GCNT1: variants seen among roughly 807,000 people sequenced by gnomAD.
The protein encoded by GCNT1 is beta-1,3-galactosyl-O-glycosyl-glycoprotein beta-1,6-N-acetylglucosaminyltransferase.
In GCNT1, 16 loss-of-function variants were observed where a neutral mutation model predicts 26.2. The ratio of observed to expected loss-of-function variants is 0.61; its 90% confidence interval spans 0.41 to 0.93. GCNT1 has a LOEUF of 0.93. Among genes scored for constraint, GCNT1 ranks in the 40% least tolerant of loss-of-function variants. The pLI, the probability that GCNT1 is intolerant of heterozygous loss-of-function variation, is 0.00. For synonymous variants in GCNT1, 183 were observed against 190.8 expected, an observed-to-expected ratio of 0.96 and a Z score of 0.34; for missense variants, 477 against 526.7, an observed-to-expected ratio of 0.91 and a Z score of 0.92.
At chr9:76,455,835 T>C (rs1165849351), upstream of GCNT1, among the ~76,000 whole-genome samples, 1 of 152,210 alleles carries the variant, frequency 6.6e-6, no homozygotes, top group Non-Finnish European at 1.5e-5. Context: ...ACTCCTTACC[T>C]CAAGTGATCT....
chr9:76,446,970 C>T (rs777284839), intron 1 of GCNT1, among the ~76,000 whole-genome samples: 15 of 151,776 alleles, frequency 9.9e-5, no homozygotes, highest in Non-Finnish European at 2.1e-4. Context: ...ACGTGGCCAA[C>T]ATGGTGATAC....
At chr9:76,399,998 T>C in the GCNT1 span, among the ~76,000 whole-genome samples, 6 of 152,208 alleles carry the variant, frequency 3.9e-5, no homozygotes, top group Non-Finnish European at 8.8e-5. Flanking sequence ...TAACACATGA[T>C]TCCAATTATA....
In GCNT1 at chr9:76,505,917, C is replaced by G. The variant is rs1370513153; in HGVS notation, c.*2249C>G. ...CACATTATAACTGTAAACTTACCATCTTCTATGTAGCTGTGATATCTCATC... is the reference window on the plus strand; with the variant it reads ...CACATTATAACTGTAAACTTACCATGTTCTATGTAGCTGTGATATCTCATC... On this transcript the variant is annotated 3_prime_UTR_variant, in exon 4 of 4. Coordinates refer to ENST00000376730, the MANE Select transcript of GCNT1 (RefSeq NM_001490.5). The G allele has an allele frequency of 6.0e-6, 1 of 166,452 alleles. No homozygotes were observed. The highest frequency in any genetic ancestry group is 2.4e-5 in the African/African-American group (1 of 41,448). The allele number at this position is 166,452 out of a possible 1,614,324, so 10.3% of individuals were successfully genotyped here.
chr9:76,446,810 A>G (rs998193052), intron 1 of GCNT1, among the ~76,000 whole-genome samples: 3 of 152,184 alleles, frequency 2.0e-5, no homozygotes, highest in Admixed American at 6.5e-5. Flanking sequence ...ATATGGGCCA[A>G]GCATAGTGGC....
chr9:76,458,233 A>G (rs1241733336), upstream of GCNT1, among the ~76,000 whole-genome samples: 2 of 116,648 alleles, frequency 1.7e-5, no homozygotes, highest in Non-Finnish European at 3.2e-5. Flanking sequence ...CCCAGGCTGG[A>G]GTGCAGTGAC....
chr9:76,485,736 C>CT (rs34832618), intron 2 of GCNT1, among the ~76,000 whole-genome samples: 607 of 146,804 alleles, frequency 4.1e-3, no homozygotes, highest in African/African-American at 6.1e-3. Context: ...CTGTCTCTTC[C>CT]TTTTTTTTTT....
At chr9:76,429,715 C>CTTTTTT (rs59977325) in intron 1 of GCNT1, among the ~76,000 whole-genome samples, 1 of 107,108 alleles carries the variant, frequency 9.3e-6, no homozygotes, top group Non-Finnish European at 1.9e-5. Flanking sequence ...TGTTTTCTTT[C>CTTTTTT]TTTTTTTTTT....
rs185516792 is a variant in GCNT1 at position 76,493,823 on chromosome 9, C to T, written c.-289-7093C>T. Among the ~76,000 whole-genome samples, 1,217 of 152,228 alleles carry T rather than the reference C, an allele frequency of 8.0e-3. 17 individuals carry two copies. The highest frequency in any genetic ancestry group is 0.027 in the African/African-American group (1,132 of 41,530). On this transcript the variant is annotated intron_variant, in intron 2 of 3. Transcript: ENST00000376730. ...AGGTATTTCACTCCACTTGCCTTCC[C>T]TTTTACAGAAAATGTCAAGCTGCAG...
intron 2 of GCNT1, among the ~76,000 whole-genome samples, chr9:76,493,375 G>GC (rs1696595234): frequency 6.6e-6 from 1 of 152,138 alleles, no homozygotes; most frequent in South Asian, 2.1e-4. Flanking sequence ...TCATTTAATG[G>GC]CCCAGAGTTT....
At chr9:76,441,563 T>C (rs1823484319), upstream of GCNT1, 1 of 152,224 alleles carries the variant, frequency 6.6e-6, no homozygotes, top group Non-Finnish European at 1.5e-5. Context: ...TATAACAATT[T>C]TGTTCAAAAC....
At chr9:76,455,711 C>T (rs59322809), upstream of GCNT1, among the ~76,000 whole-genome samples, 39,655 of 151,956 alleles carry the variant, frequency 0.26, 5,536 homozygotes, top group Non-Finnish European at 0.32. Context: ...AACCGATTCT[C>T]GTGCCTCAGC....
chr9:76,418,288 T>C (rs1823149956), upstream of GCNT1, among the ~76,000 whole-genome samples: 1 of 152,206 alleles, frequency 6.6e-6, no homozygotes, highest in African/African-American at 2.4e-5. Flanking sequence ...TGAGAAAGCC[T>C]CCAGGTAACA....
chr9:76,482,869 C>T (rs1489564615), intron 2 of GCNT1, among the ~76,000 whole-genome samples: 1 of 138,978 alleles, frequency 7.2e-6, no homozygotes, highest in African/African-American at 2.7e-5. Context: ...CCAGGCTGGT[C>T]TCAAACTCCT....
chr9:76,454,238 G>C (rs1235279233), upstream of GCNT1, among the ~76,000 whole-genome samples: 1 of 151,800 alleles, frequency 6.6e-6, no homozygotes, highest in East Asian at 1.9e-4. Flanking sequence ...AGCTGGGCAT[G>C]GTTGGTGCAT....
chr9:76,466,199 T>G (rs921949118), intron 2 of GCNT1, among the ~76,000 whole-genome samples: 2 of 152,092 alleles, frequency 1.3e-5, no homozygotes, highest in Admixed American at 1.3e-4. Flanking sequence ...TACTGAGAAG[T>G]GTGATATTCA....
intron 2 of GCNT1, among the ~76,000 whole-genome samples, chr9:76,463,768 G>A (rs963008701): frequency 4.6e-5 from 7 of 152,140 alleles, no homozygotes; most frequent in African/African-American, 1.7e-4. Context: ...TAGTCACACC[G>A]GCTCAGGCTA....
intron 1 of GCNT1, among the ~76,000 whole-genome samples, chr9:76,435,153 G>A (rs1823390630): frequency 6.6e-6 from 1 of 152,026 alleles, no homozygotes; most frequent in Non-Finnish European, 1.5e-5. Context: ...TTTGAAGCAT[G>A]TGATCTTTGT....
At chr9:76,497,749 T>G (rs1038707431) in intron 2 of GCNT1, among the ~76,000 whole-genome samples, 6 of 152,136 alleles carry the variant, frequency 3.9e-5, no homozygotes, top group Non-Finnish European at 1.5e-5. Flanking sequence ...TAATTCTACT[T>G]CTCCTGTTTA....
chr9:76,417,332 G>A (rs755700215), upstream of GCNT1, among the ~76,000 whole-genome samples: 4 of 152,150 alleles, frequency 2.6e-5, no homozygotes, highest in South Asian at 2.1e-4. Context: ...TTACCCACCT[G>A]AGTATGTATC....
Sources: gnomAD v4.1 joint callset for allele counts (sites outside exome capture counted in the v4.1 genomes callset) on GRCh38, gnomAD v4.1.1 for gene constraint, MANE v1.5 for transcripts, NCBI Gene and HGNC (gene_info 2026-07-23, HGNC 2026-07-21) for gene names.